GNA12: variants seen among roughly 807,000 people sequenced by gnomAD.
GNA12 encodes guanine nucleotide-binding protein subunit alpha-12.
A neutral mutation model predicts 26.0 loss-of-function variants in GNA12; 9 were observed. That is an observed-to-expected ratio of 0.35 (90% CI 0.21 to 0.60). The LOEUF is 0.60. Ranked by LOEUF, GNA12 falls within the 20% of genes least tolerant of loss-of-function variation. GNA12 has a pLI of 0.78. For missense variants in GNA12, 405 were observed against 525.8 expected, an observed-to-expected ratio of 0.77 and a Z score of 2.25; for synonymous variants, 264 against 219.6, an observed-to-expected ratio of 1.20 and a Z score of -1.79.
rs756257195 is a variant in GNA12, at chr7:2,731,600, C to G, written c.727G>C (p.Asp243His). The stretch of plus-strand genomic sequence containing the variant: ...ATGAACAGGATGGACGTGATCCCGT[C>G]GAAGCACTGGAACCACTTCTGGCGC... Reference protein sequence around the residue: ...SQRQKWFQCFDGITSILFMVS... With the variant: ...SQRQKWFQCFHGITSILFMVS... The change falls in exon 4 of 4, where the codon GAC becomes CAC. Residue 243 changes from aspartate (D) to histidine (H), a missense_variant. Asp to His is a moderately conservative substitution (Grantham distance 81). Transcript: ENST00000275364. This position sits in a 1 kb window ranked among gnomAD's most constrained non-coding sequence, Gnocchi z 6.0. 9 of 1,613,736 alleles carry G rather than the reference C, an allele frequency of 5.6e-6. No individual in the cohort carries two copies. The highest frequency in any genetic ancestry group is 6.8e-6 in the Non-Finnish European group (8 of 1,179,916).
chr7:2,813,403 TCTC>T (rs1404024856), intron 1 of GNA12, among the ~76,000 whole-genome samples: 8 of 151,064 alleles, frequency 5.3e-5, no homozygotes, highest in Non-Finnish European at 1.0e-4. Context: ...CAGGGGAGAG[TCTC>T]CTCCTACCTC....
Position 2,731,406 on chromosome 7 carries a change from G to T in GNA12, c.921C>A (p.Thr307=), listed in dbSNP as rs370891210. 6.2e-7 allele frequency: 1 copy of T among 1,612,914 alleles called. No individual in the cohort carries two copies. Among genetic ancestry groups the T allele is most frequent in the South Asian group, 1.1e-5 (1 of 91,034 alleles). Residue 307 remains threonine, a synonymous_variant, in exon 4 of 4, where the codon ACC becomes ACA. Coordinates refer to ENST00000275364, the MANE Select transcript of GNA12 (RefSeq NM_007353.3). This position sits in a 1 kb window ranked among gnomAD's most constrained non-coding sequence, Gnocchi z 6.0. ...KMDLLVEKVK[T]VSIKKHFPDF... is the part of the protein sequence containing the mutation. The stretch of plus-strand genomic sequence containing the variant: ...CCGGGAAGTGCTTCTTGATGCTCAC[G>T]GTCTTCACCTTCTCCACCAGGAGGT...
chr7:2,804,447 C>T (rs1417044831), intron 1 of GNA12, among the ~76,000 whole-genome samples: 1 of 152,136 alleles, frequency 6.6e-6, no homozygotes, highest in Non-Finnish European at 1.5e-5. Context: ...GGTCTGAGTG[C>T]CACTGGGCCA....
intron 1 of GNA12, among the ~76,000 whole-genome samples, chr7:2,839,291 T>C (rs1037940131): frequency 6.6e-6 from 1 of 152,204 alleles, no homozygotes; most frequent in Non-Finnish European, 1.5e-5. Flanking sequence ...TAAAGTGCAG[T>C]GGCACGATGT....
chr7:2,843,497 A>T (rs550032717), intron 1 of GNA12, among the ~76,000 whole-genome samples: 1 of 152,100 alleles, frequency 6.6e-6, no homozygotes, highest in South Asian at 2.1e-4. Flanking sequence ...AAAACTTAAA[A>T]ATTAGCTGGG....
In GNA12 at chr7:2,745,643, T is replaced by C. The variant is rs911807932; in HGVS notation, c.526-12142A>G. Among the ~76,000 whole-genome samples, 6 of 152,200 alleles carry C rather than the reference T, an allele frequency of 3.9e-5. 1 individual carries two copies. Among genetic ancestry groups the C allele is most frequent in the African/African-American group, 1.4e-4 (6 of 41,438 alleles). On this transcript the variant is annotated intron_variant, in intron 2 of 3. Transcript: ENST00000275364. Reference sequence around the variant, plus strand: ...GCAAAATAGCCAGCTGACATCATAATGACAGGATCAAATTCACACATAACA... The same window carrying C: ...GCAAAATAGCCAGCTGACATCATAACGACAGGATCAAATTCACACATAACA...
rs571080809 is a variant in GNA12, at chr7:2,837,684, G to C, written c.309+6169C>G. Among the ~76,000 whole-genome samples the C allele has an allele frequency of 6.6e-5, 10 of 152,248 alleles. No individual in the cohort carries two copies. The South Asian group carries it at 2.1e-3, about 32-fold the overall frequency. On this transcript the variant is annotated intron_variant, in intron 1 of 3. Transcript: ENST00000275364. Reference sequence around the variant, plus strand: ...TGAAGGTATCCTTCAGGAATGAAGAGGAAATACAGGCATTCTTGGACAAAG... The same window carrying C: ...TGAAGGTATCCTTCAGGAATGAAGACGAAATACAGGCATTCTTGGACAAAG...
chr7:2,816,960 C>T (rs768703512), intron 1 of GNA12, among the ~76,000 whole-genome samples: 1 of 152,214 alleles, frequency 6.6e-6, no homozygotes, highest in African/African-American at 2.4e-5. Context: ...TGCCCCTGCT[C>T]TCATTCTTGC....
At chr7:2,797,934 A>G (rs1284281515) in intron 1 of GNA12, among the ~76,000 whole-genome samples, 1 of 152,062 alleles carries the variant, frequency 6.6e-6, no homozygotes, top group Non-Finnish European at 1.5e-5. Context: ...TAAAAAAAAT[A>G]CTTACCACCC....
intron 1 of GNA12, among the ~76,000 whole-genome samples, chr7:2,828,911 A>C (rs987960763): frequency 9.9e-5 from 15 of 151,982 alleles, no homozygotes; most frequent in Middle Eastern, 3.4e-3. Context: ...TCTCTACAAA[A>C]ATTTTTTAAA....
At chr7:2,809,604 T>A (rs1369995851) in intron 1 of GNA12, among the ~76,000 whole-genome samples, 1 of 151,966 alleles carries the variant, frequency 6.6e-6, no homozygotes, top group African/African-American at 2.4e-5. Context: ...AAAAGCCGGC[T>A]ACTCTGGGTA....
chr7:2,742,445 G>T (rs1032104572), intron 2 of GNA12, among the ~76,000 whole-genome samples: 2 of 152,148 alleles, frequency 1.3e-5, no homozygotes, highest in Non-Finnish European at 2.9e-5. Context: ...GCTGGTCTGT[G>T]AGTGACATTC....
chr7:2,833,052 C>A (rs892080059), intron 1 of GNA12, among the ~76,000 whole-genome samples: 1 of 152,208 alleles, frequency 6.6e-6, no homozygotes, highest in East Asian at 1.9e-4. Context: ...ACTAACCCAT[C>A]ACACGGTCAG....
At chr7:2,762,661 AG>A in intron 2 of GNA12, 4 of 1,598,692 alleles carry the variant, frequency 2.5e-6, no homozygotes, top group Non-Finnish European at 2.6e-6. Flanking sequence ...GGACGATGAG[AG>A]GATAAATCAT....
At chr7:2,804,971 T>G (rs1432273471) in intron 1 of GNA12, among the ~76,000 whole-genome samples, 1 of 152,054 alleles carries the variant, frequency 6.6e-6, no homozygotes, top group African/African-American at 2.4e-5. Flanking sequence ...TGCTTTTGAT[T>G]ATCAAACATG....
At chr7:2,786,675 G>C (rs963707546) in intron 2 of GNA12, among the ~76,000 whole-genome samples, 3 of 152,216 alleles carry the variant, frequency 2.0e-5, no homozygotes, top group African/African-American at 7.2e-5. Flanking sequence ...GCTGACTTTA[G>C]TTTTCACTAA....
At chr7:2,732,507 C>T (rs576816978) in intron 3 of GNA12, among the ~76,000 whole-genome samples, 1 of 152,172 alleles carries the variant, frequency 6.6e-6, no homozygotes, top group Non-Finnish European at 1.5e-5. Context: ...GATCGTGCCA[C>T]TGTACTCCAG....
intron 1 of GNA12, among the ~76,000 whole-genome samples, chr7:2,830,068 T>C (rs1793567701): frequency 6.6e-6 from 1 of 152,168 alleles, no homozygotes; most frequent in African/African-American, 2.4e-5. Context: ...CAAGGACCCT[T>C]TCCTTTTGAG....
intron 2 of GNA12, among the ~76,000 whole-genome samples, chr7:2,786,071 GAAGGTACACTGGA>G (rs752564726): frequency 3.3e-5 from 5 of 152,140 alleles, no homozygotes; most frequent in African/African-American, 4.8e-5. Flanking sequence ...CGTTTAAAAA[GAAGGTACACTGGA>G]AAGGGGCGGC....
Sources: allele counts gnomAD v4.1 joint callset (sites outside exome capture counted in the v4.1 genomes callset), GRCh38; gene constraint gnomAD v4.1.1; non-coding constraint Gnocchi (gnomAD v3.1); transcripts MANE v1.5; gene names NCBI Gene and HGNC (gene_info 2026-07-23, HGNC 2026-07-21).